TTI1: variants seen among roughly 807,000 people sequenced by gnomAD.
The protein encoded by TTI1 is TELO2-interacting protein 1 homolog.
Under a neutral mutation model 85.4 loss-of-function variants are expected in TTI1, and 52 were observed. That is an observed-to-expected ratio of 0.61 (90% CI 0.49 to 0.77). The LOEUF is 0.77. Among genes scored for constraint, TTI1 ranks in the 30% least tolerant of loss-of-function variants. The pLI is 0.00. For synonymous variants in TTI1, 512 were observed against 503.9 expected (o/e 1.02, Z -0.22); for missense variants, 1,173 against 1,296.0 (o/e 0.91, Z 1.46).
chr20:37,993,035 C>T (rs879415258), intron 7 of TTI1, among the ~76,000 whole-genome samples: 3 of 152,060 alleles, frequency 2.0e-5, no homozygotes, highest in Non-Finnish European at 2.9e-5. Flanking sequence ...CTAAGCCCTC[C>T]TCCCACACCA....
chr20:38,020,319 A>ATATATATATATATATATATATATAT (rs1555795761), intron 1 of TTI1, among the ~76,000 whole-genome samples: 1 of 44,164 alleles, frequency 2.3e-5, no homozygotes, highest in African/African-American at 1.3e-4. Context: ...TGAAAAAAAA[A>ATATATATATATATATATATATATAT]AAAAATATAT....
Position 37,983,332 on chromosome 20 carries a change from C to T in TTI1, c.*124G>A, listed in dbSNP as rs965780579. 4 of 910,814 alleles carry T rather than the reference C, an allele frequency of 4.4e-6. No individual in the cohort carries two copies. Among genetic ancestry groups the T allele is most frequent in the Admixed American group, 2.9e-5 (1 of 34,018 alleles). The allele number at this position is 910,814 out of a possible 1,614,324, so 56.4% of individuals were successfully genotyped here. A position where few individuals can be genotyped will look rare whatever the true frequency, so the allele number is the denominator to read the frequency against. On this transcript the variant is annotated 3_prime_UTR_variant, in exon 8 of 8. Transcript: ENST00000373447. ...TTGTGTGATCGATCAATTTATAAATCGATTGGCTAACTAATTCACCTTCTC... is the reference window on the plus strand; with the variant it reads ...TTGTGTGATCGATCAATTTATAAATTGATTGGCTAACTAATTCACCTTCTC...
intron 1 of TTI1, among the ~76,000 whole-genome samples, chr20:38,023,159 C>T (rs986079041): frequency 1.3e-5 from 2 of 152,190 alleles, no homozygotes; most frequent in Admixed American, 1.3e-4. Flanking sequence ...TCCTCATCCA[C>T]AAGCTGAGCA....
intron 7 of TTI1, among the ~76,000 whole-genome samples, chr20:37,992,113 G>T (rs2073273258): frequency 6.6e-6 from 1 of 152,152 alleles, no homozygotes; most frequent in Non-Finnish European, 1.5e-5. Context: ...CAGCATCCAG[G>T]ACTTGCGTGG....
chr20:38,011,677 G>A lies in TTI1; in HGVS notation c.2140C>T (p.His714Tyr). ...LNLRHLALHP[H>Y]TPKVLEVMLR... is the part of the protein sequence containing the mutation. ...ATGACTTCCAGGACCTTTGGGGTAT[G>A]AGGATGCAGAGCCAGATGACGCAGA... Residue 714 changes from histidine to tyrosine, a missense_variant, in exon 2 of 8, where the codon CAT becomes TAT. Physicochemically the swap from His to Tyr is moderately conservative, Grantham distance 83. Transcript: ENST00000373447. 1 of 1,614,234 alleles carries A rather than the reference G, an allele frequency of 6.2e-7. No homozygotes were observed. The highest frequency in any genetic ancestry group is 1.3e-5 in the African/African-American group (1 of 75,058).
chr20:38,032,704 TGGAAC>T (rs1239510075), intron 1 of TTI1, among the ~76,000 whole-genome samples: 1 of 152,192 alleles, frequency 6.6e-6, no homozygotes, highest in Admixed American at 6.5e-5. Flanking sequence ...CTCGCGTAGC[TGGAAC>T]TGCAGGTGAG....
intron 7 of TTI1, among the ~76,000 whole-genome samples, chr20:37,986,305 G>T (rs533143252): frequency 6.6e-6 from 1 of 152,348 alleles, no homozygotes; most frequent in Non-Finnish European, 1.5e-5. Flanking sequence ...GCATGAAAAT[G>T]CTGCAATGTT....
rs190904067 is a variant in TTI1, at chr20:38,002,434, T to C, written c.2652+194A>G. 1.7e-4 allele frequency among the ~76,000 whole-genome samples: 26 copies of C among 152,306 alleles called. No individual in the cohort carries two copies. In the East Asian group the frequency reaches 3.1e-3, roughly 18 times the overall value. On this transcript the variant is annotated intron_variant, in intron 4 of 7. Coordinates refer to ENST00000373447, the MANE Select transcript of TTI1 (RefSeq NM_001303457.2). ...TTTAATGCAGGAGACTCAGCTCCCT[T>C]TGGCATCTCAGCAGACACAGAAAGA... is the stretch of plus-strand genomic sequence containing the variant.
chr20:38,011,680 G>A lies in TTI1; in HGVS notation c.2137C>T (p.Pro713Ser). Residue 713 changes from proline (P) to serine (S), a missense_variant, in exon 2 of 8, where the codon CCT (proline) becomes TCT (serine). Transcript: ENST00000373447. ...SLNLRHLALH[P>S]HTPKVLEVML... ...ACTTCCAGGACCTTTGGGGTATGAG[G>A]ATGCAGAGCCAGATGACGCAGATTT... 1 of 1,614,190 alleles carries A rather than the reference G, an allele frequency of 6.2e-7. No individual in the cohort carries two copies. Among genetic ancestry groups the A allele is most frequent in the Non-Finnish European group, 8.5e-7 (1 of 1,180,036 alleles).
chr20:37,987,009 A>G (rs2073198623), intron 7 of TTI1: 1 of 367,964 alleles, frequency 2.7e-6, no homozygotes, highest in Admixed American at 3.5e-5. Flanking sequence ...TGGGGAGCAA[A>G]TGCCATGCCA....
chr20:38,014,452 A>T (rs956130525), intron 1 of TTI1, among the ~76,000 whole-genome samples: 17 of 152,154 alleles, frequency 1.1e-4, no homozygotes, highest in African/African-American at 4.1e-4. Context: ...ATCACTACAG[A>T]CATGTTTTGC....
intron 3 of TTI1, among the ~76,000 whole-genome samples, chr20:38,004,079 A>T (rs2073463341): frequency 6.6e-6 from 1 of 152,160 alleles, no homozygotes; most frequent in South Asian, 2.1e-4. Flanking sequence ...ACATTACCTC[A>T]TCTGGAAAAA....
chr20:38,010,467 C>CTTTT lies in TTI1; in HGVS notation c.2302+1044_2302+1047dup, dbSNP rs764386880. Among the ~76,000 whole-genome samples the CTTTT allele has an allele frequency of 3.4e-4, 35 of 104,418 alleles. 1 individual carries two copies. The highest frequency in any genetic ancestry group is 6.5e-4 in the South Asian group (2 of 3,064). 68.5% of individuals were successfully genotyped at this position (104,418 alleles called of 152,430 possible). ...ATTGAAGTCCAAAATTTTGCCATTC[C>CTTTT]TTTTTTTTTTTTTTTTTTTTTGAGA... On this transcript the variant is annotated intron_variant, in intron 2 of 7. Coordinates refer to ENST00000373447, the MANE Select transcript of TTI1 (RefSeq NM_001303457.2).
intron 7 of TTI1, among the ~76,000 whole-genome samples, chr20:37,984,241 C>T (rs575494484): frequency 3.3e-5 from 5 of 152,330 alleles, no homozygotes; most frequent in East Asian, 3.9e-4. Flanking sequence ...CAGAATATGC[C>T]GCCTTTGGCA....
chr20:37,996,534 C>A, intron 6 of TTI1, 72 bp from the exon 7 acceptor site: 1 of 1,550,608 alleles, frequency 6.4e-7, no homozygotes, highest in South Asian at 1.1e-5. Context: ...CCAACTGTGT[C>A]TGGAGAAACT....
intron 3 of TTI1, among the ~76,000 whole-genome samples, chr20:38,003,847 C>A (rs762412097): frequency 3.3e-5 from 5 of 151,928 alleles, no homozygotes; most frequent in African/African-American, 4.8e-5. Context: ...CTGTCCTTCA[C>A]TTTTTTGTCT....
At chr20:38,006,870 T>A (rs751751014) in intron 2 of TTI1, among the ~76,000 whole-genome samples, 1 of 152,258 alleles carries the variant, frequency 6.6e-6, no homozygotes, top group Non-Finnish European at 1.5e-5. Flanking sequence ...TCAGACTCTA[T>A]GTTCCATTGG....
intron 2 of TTI1, 141 bp downstream of exon 2, chr20:38,011,374 A>G (rs536070295): frequency 8.6e-6 from 8 of 927,774 alleles, no homozygotes; most frequent in Non-Finnish European, 1.3e-5. Flanking sequence ...AAACCCCCCC[A>G]TAACCTATGG....
chr20:37,987,093 G>C (rs754600721), intron 7 of TTI1: 10 of 448,116 alleles, frequency 2.2e-5, no homozygotes, highest in Admixed American at 4.8e-5. Flanking sequence ...CTCTAAACAC[G>C]ACAAATTCCA....
Sources: allele counts gnomAD v4.1 joint callset (sites outside exome capture counted in the v4.1 genomes callset), GRCh38; gene constraint gnomAD v4.1.1; transcripts MANE v1.5; gene names NCBI Gene and HGNC (gene_info 2026-07-23, HGNC 2026-07-21).